The following MRGPRX2 variants were observed in gnomAD, a reference collection of about 807,000 sequenced individuals.
MRGPRX2 encodes the protein MAS related GPR family member X2.
For synonymous variants in MRGPRX2, 183 were observed against 175.6 expected (o/e 1.04, Z -0.33); for missense variants, 389 against 404.5 (o/e 0.96, Z 0.33).
intron 1 of MRGPRX2, among the ~76,000 whole-genome samples, chr11:19,058,467 C>T (rs967317584): frequency 2.0e-5 from 3 of 150,950 alleles, no homozygotes; most frequent in Non-Finnish European, 4.4e-5. Context: ...GTCACCCAGG[C>T]TGGAGTGCAG....
intron 1 of MRGPRX2, among the ~76,000 whole-genome samples, chr11:19,057,283 C>T (rs756629809): frequency 3.3e-5 from 5 of 152,200 alleles, no homozygotes; most frequent in Non-Finnish European, 7.3e-5. Flanking sequence ...GGGATTGCTT[C>T]TGCCTACACA....
rs887756475 is a variant in MRGPRX2 at position 19,054,803 on chromosome 11, C to A, written c.*607G>T. The A allele has an allele frequency of 1.3e-5, 2 of 152,158 alleles. No homozygotes were observed. The highest frequency in any genetic ancestry group is 4.8e-5 in the African/African-American group (2 of 41,436). 9.4% of individuals were successfully genotyped at this position (152,158 alleles called of 1,614,324 possible). On this transcript the variant is annotated 3_prime_UTR_variant, in exon 2 of 2. Coordinates refer to ENST00000329773, the MANE Select transcript of MRGPRX2 (RefSeq NM_054030.4). ...ATTATAAAACTTAATTTCATGTTTG[C>A]AAAATTCAAAAGTAGTGAAAGCAAT...
rs373610387 is a variant in MRGPRX2, at chr11:19,056,385, C to T, written c.18G>A (p.Pro6=). The T allele has an allele frequency of 1.7e-5, 27 of 1,611,340 alleles. No homozygotes were observed. The highest frequency in any genetic ancestry group is 3.3e-4 in the Middle Eastern group (2 of 6,056). Reference sequence around the variant, plus strand: ...CTGTTGTACTTTCTGTTCCCCAGGCCGGGGTGGTTGGATCCATGCTCAGAA... The same window carrying T: ...CTGTTGTACTTTCTGTTCCCCAGGCTGGGGTGGTTGGATCCATGCTCAGAA... MDPTT[P]AWGTESTTVN... Residue 6 remains proline, a synonymous_variant, in exon 2 of 2, where the codon CCG becomes CCA. Transcript: ENST00000329773.
At chr11:19,058,940 C>A (rs1410209003) in intron 1 of MRGPRX2, among the ~76,000 whole-genome samples, 1 of 152,154 alleles carries the variant, frequency 6.6e-6, no homozygotes, top group East Asian at 1.9e-4. Context: ...AGGTCCAATA[C>A]CAGCTCCAGT....
Position 19,055,429 on chromosome 11 carries a change from G to C in MRGPRX2, c.974C>G (p.Ser325Trp), listed in dbSNP as rs779903448. The C allele has an allele frequency of 3.1e-6, 5 of 1,605,656 alleles. No homozygotes were observed. Among genetic ancestry groups the C allele is most frequent in the Non-Finnish European group, 4.3e-6 (5 of 1,172,908 alleles). ...CCATCTCTACACCAGACTGCTTCTCGACATCTCCGGGGTGCCCTGACGGAA... is the reference window on the plus strand; with the variant it reads ...CCATCTCTACACCAGACTGCTTCTCCACATCTCCGGGGTGCCCTGACGGAA... ...GCFRQGTPEM[S>W]RSSLV The change falls in exon 2 of 2, where the codon TCG (serine) becomes TGG (tryptophan). Residue 325 changes from serine to tryptophan, a missense_variant. Coordinates refer to ENST00000329773, the MANE Select transcript of MRGPRX2 (RefSeq NM_054030.4).
Position 19,055,352 on chromosome 11 carries a change from G to C in MRGPRX2, c.*58C>G. ...GAAAGTTCAGCAAATCAGACAGACA[G>C]GGGCAAAGTTGCCTCTCAAAGCCAC... On this transcript the variant is annotated 3_prime_UTR_variant, in exon 2 of 2. Coordinates refer to ENST00000329773, the MANE Select transcript of MRGPRX2 (RefSeq NM_054030.4). 2 of 1,522,266 alleles carry C rather than the reference G, an allele frequency of 1.3e-6. No individual in the cohort carries two copies. The highest frequency in any genetic ancestry group is 1.8e-6 in the Non-Finnish European group (2 of 1,130,174). The allele number at this position is 1,522,266 out of a possible 1,614,324, so 94.3% of individuals were successfully genotyped here.
chr11:19,059,349 G>A (rs1163113264), intron 1 of MRGPRX2, among the ~76,000 whole-genome samples: 1 of 152,162 alleles, frequency 6.6e-6, no homozygotes, highest in Non-Finnish European at 1.5e-5. Context: ...AATAGAAATT[G>A]GAAGGAGCCT....
Position 19,056,283 on chromosome 11 carries a change from A to C in MRGPRX2, c.120T>G (p.Ile40Met). Residue 40 changes from isoleucine to methionine, a missense_variant, in exon 2 of 2, where the codon ATT (isoleucine) becomes ATG (methionine). Coordinates refer to ENST00000329773, the MANE Select transcript of MRGPRX2 (RefSeq NM_054030.4). ...TLIPVFLILF[I>M]ALVGLVGNGF... is the part of the protein sequence containing the mutation. ...CGTTTCCTACCAGCCCGACCAGGGC[A>C]ATGAAAAGGATCAGGAAGACCGGGA... 6.2e-7 allele frequency: 1 copy of C among 1,614,250 alleles called. No individual in the cohort carries two copies. Among genetic ancestry groups the C allele is most frequent in the East Asian group, 2.2e-5 (1 of 44,886 alleles).
In MRGPRX2 at chr11:19,056,411, A is replaced by G. The variant is rs200446814; in HGVS notation, c.-9T>C. On this transcript the variant is annotated 5_prime_UTR_variant, in exon 2 of 2. Transcript: ENST00000329773. The stretch of plus-strand genomic sequence containing the variant: ...GGGGTGGTTGGATCCATGCTCAGAA[A>G]ACCTCCACTGGTGCCCCTGGAAACA... 6.2e-7 allele frequency: 1 copy of G among 1,601,726 alleles called. No individual in the cohort carries two copies. The highest frequency in any genetic ancestry group is 8.5e-7 in the Non-Finnish European group (1 of 1,171,292).
chr11:19,055,404 C>T lies in MRGPRX2; in HGVS notation c.*6G>A, dbSNP rs767732810. On this transcript the variant is annotated 3_prime_UTR_variant, in exon 2 of 2. Transcript: ENST00000329773. ...TATATCTGATGGAAGTAGAGGCTGT[C>T]CATCTCTACACCAGACTGCTTCTCG... The T allele has an allele frequency of 1.3e-6, 2 of 1,592,852 alleles. No homozygotes were observed. Among genetic ancestry groups the T allele is most frequent in the Non-Finnish European group, 1.7e-6 (2 of 1,164,420 alleles).
Position 19,055,261 on chromosome 11 carries a change from T to C in MRGPRX2, c.*149A>G. The C allele has an allele frequency of 1.3e-6, 1 of 787,406 alleles. No individual in the cohort carries two copies. The highest frequency in any genetic ancestry group is 2.0e-6 in the Non-Finnish European group (1 of 500,970). 48.8% of individuals were successfully genotyped at this position (787,406 alleles called of 1,614,324 possible). ...CCAGAGACACTGCACTTAGTGTTTG[T>C]TTCATAGGCACTGTCTCACTTAATC... On this transcript the variant is annotated 3_prime_UTR_variant, in exon 2 of 2. Transcript: ENST00000329773.
chr11:19,059,804 G>C (rs1849652315), intron 1 of MRGPRX2, among the ~76,000 whole-genome samples: 1 of 152,190 alleles, frequency 6.6e-6, no homozygotes. Context: ...TCAATGGGCT[G>C]TCTTTCACTC....
intron 1 of MRGPRX2, among the ~76,000 whole-genome samples, chr11:19,060,125 C>T (rs1849655920): frequency 6.6e-6 from 1 of 152,230 alleles, no homozygotes; most frequent in Admixed American, 6.5e-5. Flanking sequence ...CCTCCACTAT[C>T]ACTTGCCTTT....
Position 19,055,899 on chromosome 11 carries a change from A to G in MRGPRX2, c.504T>C (p.Cys168=). The G allele has an allele frequency of 6.2e-7, 1 of 1,614,236 alleles. No individual in the cohort carries two copies. Among genetic ancestry groups the G allele is most frequent in the Non-Finnish European group, 8.5e-7 (1 of 1,180,046 alleles). The change falls in exon 2 of 2, where the codon TGT becomes TGC. Residue 168 remains cysteine, a synonymous_variant. Coordinates refer to ENST00000329773, the MANE Select transcript of MRGPRX2 (RefSeq NM_054030.4). ...AGTCACCATCACTAAATAAGAAGCC[A>G]CAGAACTTCCCTTCCAAGATGCTCA... ...LLLSILEGKF[C]GFLFSDGDSG... is the part of the protein sequence containing the mutation.
chr11:19,057,505 G>T (rs1849630289), intron 1 of MRGPRX2, among the ~76,000 whole-genome samples: 1 of 152,178 alleles, frequency 6.6e-6, no homozygotes, highest in African/African-American at 2.4e-5. Flanking sequence ...GGTAACTAGA[G>T]GGTGTTGTGG....
intron 1 of MRGPRX2, among the ~76,000 whole-genome samples, chr11:19,059,478 T>G (rs1036812264): frequency 1.3e-4 from 20 of 152,188 alleles, no homozygotes; most frequent in African/African-American, 4.1e-4. Flanking sequence ...CACATACCTG[T>G]GTACTTATAG....
intron 1 of MRGPRX2, among the ~76,000 whole-genome samples, chr11:19,056,999 A>C (rs1371554429): frequency 6.6e-6 from 1 of 152,166 alleles, no homozygotes; most frequent in African/African-American, 2.4e-5. Flanking sequence ...AGCTTTATGA[A>C]AACAGAAAGA....
Position 19,060,345 on chromosome 11 carries a change from C to G in MRGPRX2, c.-26+274G>C, listed in dbSNP as rs566835220. 5.3e-5 allele frequency among the ~76,000 whole-genome samples: 8 copies of G among 152,342 alleles called. No individual in the cohort carries two copies. In the East Asian group the frequency reaches 1.2e-3, roughly 22 times the overall value. On this transcript the variant is annotated intron_variant, in intron 1 of 1. Transcript: ENST00000329773. ...AGCTTAGGGAAGTAATGACTTCATT[C>G]TAGCCTGCCCCTAAATTAAAATCAG...
rs966411748 is a variant in MRGPRX2, at chr11:19,055,674, C to A, written c.729G>T (p.Trp243Cys). Residue 243 changes from tryptophan to cysteine, a missense_variant, in exon 2 of 2, where the codon TGG becomes TGT. By Grantham distance (215) the Trp-to-Cys change is radical. Transcript: ENST00000329773. The stretch of plus-strand genomic sequence containing the variant: ...CCTTCCAGATCCATAATATTAGGAA[C>A]CACTGAATGCCAAAGGGCAGGCCGC... ...LLCGLPFGIQ[W>C]FLILWIWKDS... 4 of 1,614,182 alleles carry A rather than the reference C, an allele frequency of 2.5e-6. No homozygotes were observed. The highest frequency in any genetic ancestry group is 1.6e-4 in the Middle Eastern group (1 of 6,062).
Sources: allele counts gnomAD v4.1 joint callset (sites outside exome capture counted in the v4.1 genomes callset), GRCh38; gene constraint gnomAD v4.1.1; transcripts MANE v1.5; gene names NCBI Gene and HGNC (gene_info 2026-07-23, HGNC 2026-07-21).